FOXP2: variants seen among roughly 807,000 people sequenced by gnomAD.
FOXP2 encodes forkhead box protein P2.
FOXP2 carries 12 observed loss-of-function variants against 115.8 expected under a neutral mutation model. The observed-to-expected ratio is 0.10, with a 90% CI of 0.07 to 0.17. The LOEUF is 0.17. Among genes scored for constraint, FOXP2 ranks in the 10% least tolerant of loss-of-function variants. The pLI, the probability that FOXP2 is intolerant of heterozygous loss-of-function variation, is 1.00. For synonymous variants in FOXP2, 328 were observed against 297.7 expected, an observed-to-expected ratio of 1.10 and a Z score of -1.05; for missense variants, 629 against 843.5, an observed-to-expected ratio of 0.75 and a Z score of 3.15.
intron 2 of FOXP2, among the ~76,000 whole-genome samples, chr7:114,516,915 C>A (rs767785517): frequency 1.3e-5 from 2 of 151,982 alleles, no homozygotes; most frequent in Non-Finnish European, 2.9e-5. Flanking sequence ...AGAATGGTCT[C>A]GATCTCCTGA....
At chr7:114,456,707 A>G (rs1388492135) in intron 2 of FOXP2, among the ~76,000 whole-genome samples, 1 of 152,210 alleles carries the variant, frequency 6.6e-6, no homozygotes, top group Non-Finnish European at 1.5e-5. Flanking sequence ...AAAAGCATAA[A>G]TTATATTTGC....
rs188690453 is a variant in FOXP2 at position 114,250,824 on chromosome 7, G to A, written c.-101-37195G>A. Reference sequence around the variant, plus strand: ...TAATTAGATCCTATTTGTCAATTTTGGCTTTTGTTGCCATTGCTTTTGGTG... The same window carrying A: ...TAATTAGATCCTATTTGTCAATTTTAGCTTTTGTTGCCATTGCTTTTGGTG... On this transcript the variant is annotated intron_variant, in intron 1 of 17. Coordinates refer to the FOXP2 transcript ENST00000634411. Among the ~76,000 whole-genome samples the A allele has an allele frequency of 1.5e-4, 23 of 152,170 alleles. No individual in the cohort carries two copies. In the East Asian group the frequency reaches 4.4e-3, roughly 29 times the overall value.
intron 1 of FOXP2, among the ~76,000 whole-genome samples, chr7:114,135,543 A>C (rs936162045): frequency 2.0e-5 from 3 of 152,152 alleles, no homozygotes; most frequent in African/African-American, 7.2e-5. Flanking sequence ...AGATAAAAAT[A>C]AATTTTACTT....
At chr7:114,434,573 C>T (rs913536128) in intron 2 of FOXP2, among the ~76,000 whole-genome samples, 2 of 151,450 alleles carry the variant, frequency 1.3e-5, no homozygotes, top group Non-Finnish European at 2.9e-5. Context: ...ATTGAAAGAA[C>T]TTTGAGGGTA....
chr7:114,181,991 T>A (rs1356248500), intron 1 of FOXP2, among the ~76,000 whole-genome samples: 1 of 152,034 alleles, frequency 6.6e-6, no homozygotes, highest in East Asian at 1.9e-4. Flanking sequence ...TTTCTTTTAA[T>A]TAAAAAGGGC....
chr7:114,338,661 G>C (rs1478082007), intron 2 of FOXP2, among the ~76,000 whole-genome samples: 1 of 150,620 alleles, frequency 6.6e-6, no homozygotes, highest in African/African-American at 2.4e-5. Flanking sequence ...CAGAGCATAA[G>C]AAAGGATTGC....
intron 1 of FOXP2, among the ~76,000 whole-genome samples, chr7:114,103,203 T>C (rs1417475120): frequency 6.6e-6 from 1 of 151,854 alleles, no homozygotes; most frequent in Admixed American, 6.6e-5. Context: ...AATCCAGAGG[T>C]ATTTCTGTGT....
chr7:114,462,428 T>G (rs1276019684), intron 2 of FOXP2, among the ~76,000 whole-genome samples: 2 of 141,386 alleles, frequency 1.4e-5, no homozygotes, highest in Non-Finnish European at 3.1e-5. Context: ...CTGAAGTGCA[T>G]TGGCGCTATC....
upstream of FOXP2, among the ~76,000 whole-genome samples, chr7:114,412,228 G>A (rs1349062607): frequency 6.6e-6 from 1 of 152,160 alleles, no homozygotes; most frequent in African/African-American, 2.4e-5. Flanking sequence ...TTTACTTAGT[G>A]GCATCTTCCT....
intron 2 of FOXP2, among the ~76,000 whole-genome samples, chr7:114,468,156 C>G (rs1382056026): frequency 6.6e-6 from 1 of 152,144 alleles, no homozygotes; most frequent in African/African-American, 2.4e-5. Context: ...TTAAATGGAT[C>G]ACTTCTAGAA....
chr7:114,417,522 A>C (rs1267105594), intron 1 of FOXP2, among the ~76,000 whole-genome samples: 3 of 152,010 alleles, frequency 2.0e-5, no homozygotes, highest in Non-Finnish European at 4.4e-5. Context: ...TGTAATGATG[A>C]TGCTGATATT....
intron 2 of FOXP2, among the ~76,000 whole-genome samples, chr7:114,439,761 A>G (rs1363003358): frequency 6.6e-6 from 1 of 151,712 alleles, no homozygotes; most frequent in East Asian, 1.9e-4. Context: ...GTATGTGGAG[A>G]CAGGGTTTTG....
chr7:114,096,460 A>G (rs552160205), intron 1 of FOXP2, among the ~76,000 whole-genome samples: 6 of 152,284 alleles, frequency 3.9e-5, no homozygotes, highest in Non-Finnish European at 7.4e-5. Context: ...GTAATTTTCA[A>G]TAACGTCAAG....
chr7:114,504,282 T>TTCTCTCCC (rs943921472), intron 2 of FOXP2, among the ~76,000 whole-genome samples: 4 of 151,660 alleles, frequency 2.6e-5, no homozygotes, highest in Non-Finnish European at 5.9e-5. Flanking sequence ...TATTACTTTT[T>TTCTCTCCC]TCTCTCCATT....
intron 1 of FOXP2, among the ~76,000 whole-genome samples, chr7:114,276,149 T>C (rs1005958055): frequency 2.0e-5 from 3 of 152,052 alleles, no homozygotes; most frequent in Non-Finnish European, 4.4e-5. Context: ...TCTGGCATAT[T>C]TTTATTGTTA....
chr7:114,642,779 A>ATATATATATATAT (rs1491273950), intron 7 of FOXP2, among the ~76,000 whole-genome samples, 156 bp downstream of exon 7: 4 of 91,174 alleles, frequency 4.4e-5, no homozygotes, highest in East Asian at 1.3e-3. Flanking sequence ...TTTTATATAT[A>ATATATATATATAT]ATATATATAT....
At chr7:114,385,432 T>G (rs1020838346) in intron 2 of FOXP2, among the ~76,000 whole-genome samples, 1 of 152,122 alleles carries the variant, frequency 6.6e-6, no homozygotes, top group African/African-American at 2.4e-5. Context: ...AACTGCTGAG[T>G]AGAGAATTCT....
chr7:114,114,023 A>G (rs1208846883), intron 1 of FOXP2, among the ~76,000 whole-genome samples: 1 of 152,036 alleles, frequency 6.6e-6, no homozygotes, highest in East Asian at 1.9e-4. Flanking sequence ...GAGAATTATA[A>G]TAGGAAAACT....
upstream of FOXP2, among the ~76,000 whole-genome samples, chr7:114,412,846 CAA>C (rs1476610618): frequency 6.6e-6 from 1 of 152,056 alleles, no homozygotes; most frequent in African/African-American, 2.4e-5. Context: ...CAGCTTTTTG[CAA>C]AGAGACACTA....
Sources: gnomAD v4.1 joint callset for allele counts (sites outside exome capture counted in the v4.1 genomes callset) on GRCh38, gnomAD v4.1.1 for gene constraint, MANE v1.5 for transcripts, NCBI Gene and HGNC (gene_info 2026-07-23, HGNC 2026-07-21) for gene names.